MTOR: variants seen among roughly 807,000 people sequenced by gnomAD.
MTOR encodes mechanistic target of rapamycin kinase, also known as serine/threonine-protein kinase mTOR.
In MTOR, 70 loss-of-function variants were observed where a neutral mutation model predicts 319.8. That is an observed-to-expected ratio of 0.22 (90% CI 0.18 to 0.27). The LOEUF (loss-of-function observed/expected upper bound fraction) is 0.27. Ranked by LOEUF, MTOR falls within the 10% of genes least tolerant of loss-of-function variation. The pLI is 1.00. For synonymous variants in MTOR, 1,183 were observed against 1,211.4 expected (o/e 0.98, Z 0.49); for missense variants, 1,890 against 3,274.4 (o/e 0.58, Z 10.32).
At position 11,115,376 on chromosome 1, in the gene MTOR, G is replaced by A. The variant is rs1018811102; in HGVS notation, c.7089+20C>T. On this transcript the variant is annotated intron_variant, in intron 51 of 57. Coordinates refer to ENST00000361445, the MANE Select transcript of MTOR (RefSeq NM_004958.4). This position sits in a 1 kb window ranked among gnomAD's most constrained non-coding sequence, Gnocchi z 4.5. Reference sequence around the variant, plus strand: ...GATCACCCGGGAAGATGAGGTTGGGGTTCTAGAACATGTGTTCACCTCAAA... The same window carrying A: ...GATCACCCGGGAAGATGAGGTTGGGATTCTAGAACATGTGTTCACCTCAAA... The A allele has an allele frequency of 6.2e-7, 1 of 1,612,496 alleles. No homozygotes were observed. The highest frequency in any genetic ancestry group is 8.5e-7 in the Non-Finnish European group (1 of 1,178,542).
At chr1:11,126,876 T>C in intron 45 of MTOR, 80 bp from the exon 46 acceptor site, 2 of 1,578,892 alleles carry the variant, frequency 1.3e-6, no homozygotes, top group Non-Finnish European at 1.7e-6. Flanking sequence ...TTCAGTGGAT[T>C]GCTAATAACA....
In MTOR at chr1:11,230,257, T is replaced by C. The variant is rs1646973823; in HGVS notation, c.2779+668A>G. On this transcript the variant is annotated intron_variant, in intron 18 of 57. Coordinates refer to ENST00000361445, the MANE Select transcript of MTOR (RefSeq NM_004958.4). ...CCAACATGGCAAAACCCCTCCCTAC[T>C]AAAAATGCAAAAATTAGCCAGGTGT... 1.3e-5 allele frequency among the ~76,000 whole-genome samples: 2 copies of C among 152,006 alleles called. 1 individual carries two copies. The highest frequency in any genetic ancestry group is 4.1e-4 in the South Asian group (2 of 4,828).
chr1:11,234,427 C>T (rs974431417), intron 13 of MTOR, among the ~76,000 whole-genome samples, 162 bp from the exon 14 acceptor site: 1 of 152,230 alleles, frequency 6.6e-6, no homozygotes, highest in African/African-American at 2.4e-5. Context: ...TTTTCTGCAA[C>T]AGGCAGAACA....
rs1644091069 is a variant in MTOR, at chr1:11,150,165, T to C, written c.4531A>G (p.Lys1511Glu). 1 of 1,613,970 alleles carries C rather than the reference T, an allele frequency of 6.2e-7. No individual in the cohort carries two copies. The highest frequency in any genetic ancestry group is 1.7e-5 in the Admixed American group (1 of 60,012). The stretch of plus-strand genomic sequence containing the variant: ...GCTGCAGCAGCCATCCGGGCCATCT[T>C]GGCTTGGGTCTCATCATTAACCAGG... ...WTLVNDETQA[K>E]MARMAAAAAW... is the part of the protein sequence containing the mutation. Residue 1511 changes from lysine to glutamate, a missense_variant, in exon 31 of 58, where the codon AAG (lysine) becomes GAG (glutamate). By Grantham distance (56) the Lys-to-Glu change is moderately conservative. Around this residue, in one of 15 missense-constraint regions of MTOR, gnomAD observed 276 missense variants for 459.4 expected, o/e 0.60. Coordinates refer to ENST00000361445, the MANE Select transcript of MTOR (RefSeq NM_004958.4).
At chr1:11,120,296 T>C (rs555728742) in intron 49 of MTOR, among the ~76,000 whole-genome samples, 2 of 152,072 alleles carry the variant, frequency 1.3e-5, no homozygotes, top group Non-Finnish European at 2.9e-5. Flanking sequence ...CCCAGCACTT[T>C]GGGAGGCCAA....
intron 4 of MTOR, 172 bp from the exon 5 acceptor site, chr1:11,256,364 T>C: frequency 2.1e-6 from 2 of 966,088 alleles, no homozygotes; most frequent in Non-Finnish European, 2.5e-6. Flanking sequence ...TGATTAAACA[T>C]CTCAGTGCTC....
intron 31 of MTOR, chr1:11,149,504 CTCTA>C (rs1399240695): frequency 6.6e-6 from 1 of 152,302 alleles, no homozygotes; most frequent in African/African-American, 2.4e-5. Flanking sequence ...ACCTGTTCAC[CTCTA>C]TCTTTTATAA....
At chr1:11,198,467 T>G (rs1468413912) in intron 28 of MTOR, among the ~76,000 whole-genome samples, 1 of 152,202 alleles carries the variant, frequency 6.6e-6, no homozygotes, top group Non-Finnish European at 1.5e-5. Context: ...CCTCCTTTGA[T>G]AGAGCCACAC....
chr1:11,123,705 G>A (rs1642664091), intron 47 of MTOR, among the ~76,000 whole-genome samples: 2 of 151,978 alleles, frequency 1.3e-5, no homozygotes, highest in Admixed American at 6.6e-5. Flanking sequence ...CTGGTCTCAA[G>A]CAATCCTCCT....
chr1:11,157,329 A>G (rs1644349889), intron 29 of MTOR, 38 bp from the exon 30 acceptor site: 1 of 1,599,712 alleles, frequency 6.3e-7, no homozygotes, highest in South Asian at 1.1e-5. Flanking sequence ...TGAGGTACAC[A>G]GAAGAAGGGA....
rs570302816 is a variant in MTOR, at chr1:11,218,327, G to A, written c.3031-2093C>T. ...TGCCTGTAATCCCAGCTACTCGGGA[G>A]GCTGAGGCAGGAGAATTGCTTGAAA... On this transcript the variant is annotated intron_variant, in intron 19 of 57. Transcript: ENST00000361445. 3.3e-5 allele frequency among the ~76,000 whole-genome samples: 5 copies of A among 152,140 alleles called. No individual in the cohort carries two copies. In the East Asian group the frequency reaches 9.6e-4, roughly 29 times the overall value.
chr1:11,194,034 T>G (rs1479188860), intron 28 of MTOR, among the ~76,000 whole-genome samples: 9 of 152,070 alleles, frequency 5.9e-5, no homozygotes, highest in Non-Finnish European at 2.9e-5. Context: ...AATTCAACAG[T>G]CAGCTGTGCC....
intron 26 of MTOR, among the ~76,000 whole-genome samples, chr1:11,200,851 T>TA (rs1291543479): frequency 6.6e-6 from 1 of 151,752 alleles, no homozygotes; most frequent in Non-Finnish European, 1.5e-5. Flanking sequence ...CCGTCTCTAC[T>TA]AAAAATACAA....
Position 11,109,626 on chromosome 1 carries a change from G to A in MTOR, c.7447+23C>T, listed in dbSNP as rs779730289. On this transcript the variant is annotated intron_variant, in intron 55 of 57. Transcript: ENST00000361445. This position sits in a 1 kb window ranked among gnomAD's most constrained non-coding sequence, Gnocchi z 4.0. ...TTCTTAATGAGCTAGTCACTGGTGC[G>A]GTTCCTCAGAGGCTGAACTTACTGA... is the stretch of plus-strand genomic sequence containing the variant. 1.1e-5 allele frequency: 17 copies of A among 1,605,774 alleles called. No homozygotes were observed. The highest frequency in any genetic ancestry group is 1.3e-5 in the African/African-American group (1 of 74,708).
At position 11,245,607 on chromosome 1, in the gene MTOR, A is replaced by G. The variant is rs182716397; in HGVS notation, c.1225+2018T>C. ...CAGGAAACGGGGTAAAATCAAGAGC[A>G]TAATTTCCTGGCAAGGCGCCACAGC... On this transcript the variant is annotated intron_variant, in intron 8 of 57. Transcript: ENST00000361445. 4.0e-3 allele frequency among the ~76,000 whole-genome samples: 613 copies of G among 152,312 alleles called. 21 individuals carry two copies. Among genetic ancestry groups the G allele is most frequent in the Non-Finnish European group, 1.3e-3 (90 of 68,034 alleles).
At chr1:11,191,951 A>T (rs1645553079) in intron 28 of MTOR, among the ~76,000 whole-genome samples, 1 of 152,150 alleles carries the variant, frequency 6.6e-6, no homozygotes, top group East Asian at 1.9e-4. Context: ...TGGCCCTCAT[A>T]CACTGTAACA....
At position 11,133,094 on chromosome 1, in the gene MTOR, G is replaced by A. The variant is rs371091288; in HGVS notation, c.5350C>T (p.Arg1784Cys). ...QYYSAATEHD[R>C]SWYKAWHAWA... ...CTTCTGATCACCTTGTACCAGCTGC[G>A]GTCGTGCTCTGTGGCGGCGCTGTAG... The change falls in exon 38 of 58, where the codon CGC becomes TGC. Residue 1784 changes from arginine to cysteine, a missense_variant. This residue lies in a region of MTOR where 276 missense variants were observed against 459.4 expected (regional missense o/e 0.60). Transcript: ENST00000361445. This position sits in a 1 kb window ranked among gnomAD's most constrained non-coding sequence, Gnocchi z 4.0. The A allele has an allele frequency of 6.8e-6, 11 of 1,613,962 alleles. No individual in the cohort carries two copies. In the Admixed American group the frequency reaches 1.0e-4, roughly 15 times the overall value.
chr1:11,112,725 ACT>A (rs577775921), intron 54 of MTOR, 125 bp downstream of exon 54: 424 of 973,914 alleles, frequency 4.4e-4, no homozygotes, highest in Admixed American at 1.9e-3. Flanking sequence ...CTCTAGAAAC[ACT>A]CTGCACAAGG....
At chr1:11,239,775 C>T (rs909831645) in intron 11 of MTOR, among the ~76,000 whole-genome samples, 2 of 151,906 alleles carry the variant, frequency 1.3e-5, no homozygotes, top group African/African-American at 2.4e-5. Flanking sequence ...TGTGGTGACA[C>T]GCGCCTATAG....
Sources: gnomAD v4.1 joint callset for allele counts (sites outside exome capture counted in the v4.1 genomes callset) on GRCh38, gnomAD v4.1.1 for gene constraint, gnomAD v4.1.1 regional missense constraint, Gnocchi (gnomAD v3.1) non-coding constraint, MANE v1.5 for transcripts, NCBI Gene and HGNC (gene_info 2026-07-23, HGNC 2026-07-21) for gene names.